The following ENTPD1 variants were observed in gnomAD, a reference collection of about 807,000 sequenced individuals.
ENTPD1 encodes the protein ATP diphosphohydrolase.
A neutral mutation model predicts 57.0 loss-of-function variants in ENTPD1; 33 were observed. The observed-to-expected ratio is 0.58, with a 90% CI of 0.44 to 0.77. The LOEUF (loss-of-function observed/expected upper bound fraction) is 0.77, where lower values mean the gene tolerates loss of function less well. ENTPD1 is among the 30% of genes least tolerant of loss of function. ENTPD1 has a pLI of 0.00. For missense variants in ENTPD1, 501 were observed against 603.4 expected (o/e 0.83, Z 1.78); for synonymous variants, 202 against 218.8 (o/e 0.92, Z 0.68).
chr10:95,760,077 C>T (rs2098050061), intron 1 of ENTPD1, among the ~76,000 whole-genome samples: 1 of 152,152 alleles, frequency 6.6e-6, no homozygotes, highest in South Asian at 2.1e-4. Flanking sequence ...ATAGCTTGGG[C>T]CCAGGAGTTT....
At chr10:95,697,224 A>G in the ENTPD1 span, among the ~76,000 whole-genome samples, 1 of 151,924 alleles carries the variant, frequency 6.6e-6, no homozygotes, top group Non-Finnish European at 1.5e-5. Flanking sequence ...CTGTAGGAAG[A>G]GCCAGGTCAG....
upstream of ENTPD1, among the ~76,000 whole-genome samples, chr10:95,709,755 G>GTTGTTTGT (rs10670966): frequency 4.0e-3 from 609 of 151,048 alleles, 6 homozygotes; most frequent in African/African-American, 0.011. Context: ...GTTTTTTGTT[G>GTTGTTTGT]TTGTTTGTTT....
Position 95,870,685 on chromosome 10 carries a change from C to T in ENTPD1, c.*4302C>T. ...TCAGTTTAAAAGATGAACTGAGTTT[C>T]ACCCAAACTGGTCTGGCCCCTCTCT... On this transcript the variant is annotated 3_prime_UTR_variant, in exon 10 of 10. Transcript: ENST00000371205. The T allele has an allele frequency of 1.0e-6, 1 of 985,450 alleles. No homozygotes were observed. The highest frequency in any genetic ancestry group is 1.2e-6 in the Non-Finnish European group (1 of 829,924). The allele number at this position is 985,450 out of a possible 1,614,324, so 61.0% of individuals were successfully genotyped here.
intron 1 of ENTPD1, among the ~76,000 whole-genome samples, chr10:95,715,167 T>C (rs1354208380): frequency 6.6e-6 from 1 of 152,242 alleles, no homozygotes; most frequent in Non-Finnish European, 1.5e-5. Context: ...TCAGGAGTCA[T>C]TTCAGATAAC....
intron 1 of ENTPD1, among the ~76,000 whole-genome samples, chr10:95,726,059 C>T (rs2097983275): frequency 6.6e-6 from 1 of 152,178 alleles, no homozygotes; most frequent in Non-Finnish European, 1.5e-5. Flanking sequence ...GGAGTCATCC[C>T]TGGCAAGCAG....
intron 1 of ENTPD1, among the ~76,000 whole-genome samples, chr10:95,763,292 C>T (rs889054228): frequency 6.6e-6 from 1 of 152,044 alleles, no homozygotes; most frequent in Non-Finnish European, 1.5e-5. Context: ...GTGGTGTCAT[C>T]GTTTTCTAAA....
At chr10:95,732,276 G>T (rs540868753) in intron 1 of ENTPD1, among the ~76,000 whole-genome samples, 1 of 152,268 alleles carries the variant, frequency 6.6e-6, no homozygotes, top group East Asian at 1.9e-4. Context: ...TTAGAGAAGA[G>T]CTTGTTCTGC....
At chr10:95,720,398 A>C (rs1019405118) in intron 1 of ENTPD1, among the ~76,000 whole-genome samples, 5 of 152,180 alleles carry the variant, frequency 3.3e-5, no homozygotes, top group Non-Finnish European at 7.3e-5. Flanking sequence ...TTTCAGGCAT[A>C]ATTAGAAAAG....
chr10:95,876,591 G>A lies in ENTPD1; in HGVS notation c.*10208G>A. ...GAAGTCTACATGGAGAATACAGGAT[G>A]AATCCACTCTGTCTCCTGCAGTGAA... is the stretch of plus-strand genomic sequence containing the variant. On this transcript the variant is annotated 3_prime_UTR_variant, in exon 10 of 10. Transcript: ENST00000371205. 1 of 1,230,510 alleles carries A rather than the reference G, an allele frequency of 8.1e-7. No homozygotes were observed. The allele number at this position is 1,230,510 out of a possible 1,614,324, so 76.2% of individuals were successfully genotyped here.
the ENTPD1 span, among the ~76,000 whole-genome samples, chr10:95,694,955 C>T: frequency 7.4e-6 from 1 of 135,032 alleles, no homozygotes; most frequent in Non-Finnish European, 1.5e-5. Flanking sequence ...GGCTGGAGTG[C>T]AGTGGTGTGA....
At chr10:95,758,215 A>G (rs576363623) in intron 1 of ENTPD1, among the ~76,000 whole-genome samples, 17 of 151,972 alleles carry the variant, frequency 1.1e-4, no homozygotes, top group Admixed American at 2.0e-4. Context: ...TTAAGGGCCT[A>G]TCTGGTACTC....
At chr10:95,706,579 G>C in the ENTPD1 span, among the ~76,000 whole-genome samples, 3 of 152,170 alleles carry the variant, frequency 2.0e-5, no homozygotes, top group African/African-American at 7.2e-5. Flanking sequence ...AGGTTGTTTG[G>C]AGGTCTCTGC....
chr10:95,815,916 G>A (rs891334159), intron 1 of ENTPD1, among the ~76,000 whole-genome samples: 9 of 152,158 alleles, frequency 5.9e-5, no homozygotes, highest in South Asian at 2.1e-4. Flanking sequence ...CTTTATAGGC[G>A]GCCATCTTGA....
chr10:95,788,178 G>A (rs1340286297), intron 1 of ENTPD1, among the ~76,000 whole-genome samples: 1 of 152,162 alleles, frequency 6.6e-6, no homozygotes, highest in Non-Finnish European at 1.5e-5. Context: ...AGAGGGAACT[G>A]TAAGGCAACC....
chr10:95,774,962 A>G (rs975953535), intron 1 of ENTPD1, among the ~76,000 whole-genome samples: 4 of 152,164 alleles, frequency 2.6e-5, no homozygotes, highest in African/African-American at 9.7e-5. Flanking sequence ...CCTATCCATG[A>G]GCATGGAATG....
chr10:95,831,513 G>A (rs1374599488), intron 2 of ENTPD1, among the ~76,000 whole-genome samples: 2 of 152,236 alleles, frequency 1.3e-5, no homozygotes, highest in African/African-American at 4.8e-5. Flanking sequence ...AGAGCAGAAG[G>A]CCTGGCCCAC....
intron 1 of ENTPD1, among the ~76,000 whole-genome samples, chr10:95,774,351 T>A (rs993090349): frequency 3.3e-4 from 51 of 152,250 alleles, no homozygotes; most frequent in Non-Finnish European, 5.7e-4. Flanking sequence ...CCCATTTGTC[T>A]ATTTTGGCTT....
intron 1 of ENTPD1, among the ~76,000 whole-genome samples, chr10:95,727,404 A>C (rs1469971761): frequency 2.6e-5 from 4 of 152,128 alleles, no homozygotes; most frequent in Non-Finnish European, 5.9e-5. Context: ...TCCTGTTTGG[A>C]AGTTGTCTAG....
intron 1 of ENTPD1, among the ~76,000 whole-genome samples, chr10:95,732,941 G>A (rs1040587471): frequency 6.6e-6 from 1 of 152,178 alleles, no homozygotes; most frequent in African/African-American, 2.4e-5. Context: ...AATTAAAATT[G>A]CTAATGAAGT....
Sources: allele counts gnomAD v4.1 joint callset (sites outside exome capture counted in the v4.1 genomes callset), GRCh38; gene constraint gnomAD v4.1.1; transcripts MANE v1.5; gene names NCBI Gene and HGNC (gene_info 2026-07-23, HGNC 2026-07-21).